MACROD2: variants seen among roughly 807,000 people sequenced by gnomAD.
MACROD2 encodes mono-ADP ribosylhydrolase 2.
A neutral mutation model predicts 70.4 loss-of-function variants in MACROD2; 36 were observed. The observed-to-expected ratio is 0.51, with a 90% confidence interval of 0.39 to 0.68. The LOEUF is 0.68. MACROD2 is among the 30% of genes least tolerant of loss of function. The pLI is 0.00. For missense variants in MACROD2, 496 were observed against 538.4 expected, an observed-to-expected ratio of 0.92 and a Z score of 0.78; for synonymous variants, 172 against 178.8, an observed-to-expected ratio of 0.96 and a Z score of 0.30.
chr20:15,894,272 C>G (rs986993220), intron 10 of MACROD2, among the ~76,000 whole-genome samples: 3 of 152,292 alleles, frequency 2.0e-5, no homozygotes, highest in Admixed American at 1.3e-4. Context: ...AATCGAGAAG[C>G]CAAAGCTGAA....
intron 8 of MACROD2, among the ~76,000 whole-genome samples, chr20:15,633,533 A>G (rs1346842576): frequency 1.3e-5 from 2 of 151,652 alleles, no homozygotes; most frequent in Admixed American, 6.6e-5. Flanking sequence ...TTTAATCATG[A>G]CAACTCTTAT....
chr20:14,038,686 T>C (rs2148638212), intron 2 of MACROD2, among the ~76,000 whole-genome samples: 1 of 152,356 alleles, frequency 6.6e-6, no homozygotes, highest in South Asian at 2.1e-4. Context: ...CATAATGCCA[T>C]GATGTTTTTA....
chr20:15,859,232 G>A (rs942656722), intron 8 of MACROD2, among the ~76,000 whole-genome samples: 3 of 152,158 alleles, frequency 2.0e-5, no homozygotes, highest in African/African-American at 7.2e-5. Context: ...AGGAAGGGGG[G>A]TAGGTATACT....
intron 3 of MACROD2, among the ~76,000 whole-genome samples, chr20:14,387,637 C>T (rs955669463): frequency 1.8e-4 from 27 of 152,204 alleles, no homozygotes; most frequent in African/African-American, 6.3e-4. Flanking sequence ...TGGAGGACAA[C>T]GTCCTTATTG....
chr20:15,373,761 T>G (rs1314623924), intron 6 of MACROD2, among the ~76,000 whole-genome samples: 7 of 152,168 alleles, frequency 4.6e-5, no homozygotes, highest in Admixed American at 4.6e-4. Context: ...GTCATTGAAT[T>G]TATAGATTAA....
chr20:15,654,503 A>C (rs1206426689), intron 8 of MACROD2, among the ~76,000 whole-genome samples: 3 of 152,192 alleles, frequency 2.0e-5, no homozygotes, highest in African/African-American at 7.2e-5. Flanking sequence ...CACAATTACA[A>C]GCCAAAGTAG....
At chr20:14,971,441 G>A (rs1012105489) in intron 5 of MACROD2, among the ~76,000 whole-genome samples, 8 of 147,600 alleles carry the variant, frequency 5.4e-5, no homozygotes, top group Admixed American at 4.2e-4. Context: ...GACATTAGTA[G>A]GTAAAGGGAG....
intron 5 of MACROD2, among the ~76,000 whole-genome samples, chr20:15,048,880 G>T (rs2075416804): frequency 2.6e-5 from 4 of 151,682 alleles, no homozygotes; most frequent in Admixed American, 2.6e-4. Context: ...AATACATAAT[G>T]TTTTTCAACA....
rs114916354 is a variant in MACROD2 at position 15,459,973 on chromosome 20, G to A, written c.571+28538G>A. Among the ~76,000 whole-genome samples the A allele has an allele frequency of 6.1e-3, 923 of 152,158 alleles. 2 individuals are homozygous for A. The highest frequency in any genetic ancestry group is 0.048 in the Middle Eastern group (14 of 294). The stretch of plus-strand genomic sequence containing the variant: ...GCCATAGTAACAGATCCAGGAACAC[G>A]CCTATGACAGAAATCTGGTCAACAG... On this transcript the variant is annotated intron_variant, in intron 7 of 17. Transcript: ENST00000684519.
In MACROD2 at chr20:14,608,279, G is replaced by A. The variant is rs146715530; in HGVS notation, c.302-76564G>A. Among the ~76,000 whole-genome samples, 1,132 of 152,066 alleles carry A rather than the reference G, an allele frequency of 7.4e-3. 8 individuals carry two copies. The highest frequency in any genetic ancestry group is 0.025 in the African/African-American group (1,025 of 41,512). Reference sequence around the variant, plus strand: ...CTCAAAAAATAAATAAATAAATAAAGTTAACAGGAAAACATTTAGTAATTG... The same window carrying A: ...CTCAAAAAATAAATAAATAAATAAAATTAACAGGAAAACATTTAGTAATTG... On this transcript the variant is annotated intron_variant, in intron 4 of 17. Transcript: ENST00000684519.
At chr20:14,838,302 G>A (rs553934502) in intron 5 of MACROD2, among the ~76,000 whole-genome samples, 8 of 152,152 alleles carry the variant, frequency 5.3e-5, no homozygotes, top group South Asian at 2.1e-4. Flanking sequence ...AAGACCAGAC[G>A]ATGGTTCTAC....
chr20:14,154,924 C>G (rs763815130), intron 3 of MACROD2, among the ~76,000 whole-genome samples: 5 of 152,036 alleles, frequency 3.3e-5, no homozygotes, highest in Non-Finnish European at 7.4e-5. Context: ...TGAAACTCTC[C>G]CTTGCCAGAA....
intron 5 of MACROD2, among the ~76,000 whole-genome samples, chr20:15,147,043 C>T (rs2076235175): frequency 6.6e-6 from 1 of 152,048 alleles, no homozygotes; most frequent in African/African-American, 2.4e-5. Context: ...CTTGATTGGC[C>T]TTATGTAAAT....
rs74783412 is a variant in MACROD2 at position 14,418,517 on chromosome 20, C to T, written c.272-74962C>T. Among the ~76,000 whole-genome samples the T allele has an allele frequency of 4.9e-4, 74 of 152,208 alleles. 3 individuals are homozygous for T. In the East Asian group the frequency reaches 0.014, roughly 28 times the overall value. ...CCCTTAATTTACAGTTGAAGGGATCCGTGGAGAAAGTTACTCCCCAACTAC... is the reference window on the plus strand; with the variant it reads ...CCCTTAATTTACAGTTGAAGGGATCTGTGGAGAAAGTTACTCCCCAACTAC... On this transcript the variant is annotated intron_variant, in intron 3 of 17. Coordinates refer to ENST00000684519, the MANE Select transcript of MACROD2 (RefSeq NM_001351661.2).
chr20:14,721,458 T>A (rs964903287), intron 5 of MACROD2, among the ~76,000 whole-genome samples: 1 of 152,012 alleles, frequency 6.6e-6, no homozygotes, highest in African/African-American at 2.4e-5. Flanking sequence ...TTTAGACCAA[T>A]CTAGATGTGT....
intron 6 of MACROD2, among the ~76,000 whole-genome samples, chr20:15,424,070 C>T (rs1455714490): frequency 2.6e-5 from 4 of 151,524 alleles, no homozygotes; most frequent in African/African-American, 9.7e-5. Context: ...TAATCCCACT[C>T]ATGAGGCCTC....
intron 4 of MACROD2, among the ~76,000 whole-genome samples, chr20:14,512,344 CT>C (rs5840620): frequency 0.82 from 124,627 of 151,880 alleles, 51,548 homozygotes; most frequent in East Asian, 1. Flanking sequence ...GGAGTTTCCC[CT>C]GTGGAGGAAT....
intron 15 of MACROD2, among the ~76,000 whole-genome samples, chr20:16,028,206 A>C (rs2067106201): frequency 6.6e-6 from 1 of 151,956 alleles, no homozygotes; most frequent in Non-Finnish European, 1.5e-5. Flanking sequence ...AAGGTGGCTC[A>C]CTCTCTCCTT....
At chr20:14,957,489 AGGAC>A (rs1238856316) in intron 5 of MACROD2, among the ~76,000 whole-genome samples, 1 of 152,188 alleles carries the variant, frequency 6.6e-6, no homozygotes, top group African/African-American at 2.4e-5. Flanking sequence ...AGCTGGGAGC[AGGAC>A]CAGTTCACCA....
Sources: gnomAD v4.1 joint callset for allele counts (sites outside exome capture counted in the v4.1 genomes callset) on GRCh38, gnomAD v4.1.1 for gene constraint, MANE v1.5 for transcripts, NCBI Gene and HGNC (gene_info 2026-07-23, HGNC 2026-07-21) for gene names.